PRR29: variants seen among roughly 807,000 people sequenced by gnomAD.
The protein encoded by PRR29 is proline rich 29.
Under a neutral mutation model 25.1 loss-of-function variants are expected in PRR29, and 20 were observed. The observed-to-expected ratio is 0.80, with a 90% confidence interval of 0.56 to 1.16. The LOEUF (loss-of-function observed/expected upper bound fraction) is 1.16, where lower values mean the gene tolerates loss of function less well. Ranked by LOEUF, PRR29 falls within the 50% of genes most tolerant of loss-of-function variation. The probability of loss-of-function intolerance (pLI) is 0.00; values close to 1 mark genes in which losing one functional copy is unlikely to be tolerated. For synonymous variants in PRR29, 108 were observed against 102.6 expected (o/e 1.05, Z -0.32); for missense variants, 238 against 246.6 (o/e 0.97, Z 0.23).
chr17:64,003,733 T>G lies in PRR29; in HGVS notation c.*1972T>G, dbSNP rs1598015247. 1 of 1,614,162 alleles carries G rather than the reference T, an allele frequency of 6.2e-7. No homozygotes were observed. The highest frequency in any genetic ancestry group is 2.2e-5 in the East Asian group (1 of 44,882). Reference sequence around the variant, plus strand: ...GTCCAGCACAGCCAGGCAGGAGAAGTTGCGGTGGCCATCCTCTCTGTCAGC... The same window carrying G: ...GTCCAGCACAGCCAGGCAGGAGAAGGTGCGGTGGCCATCCTCTCTGTCAGC... On this transcript the variant is annotated 3_prime_UTR_variant, in exon 6 of 6. Transcript: ENST00000412177.
At chr17:63,998,516 G>T in intron 1 of PRR29, 92 bp downstream of exon 1, 1 of 1,351,110 alleles carries the variant, frequency 7.4e-7, no homozygotes, top group Non-Finnish European at 9.8e-7. Context: ...CTGGAGGGGT[G>T]GGGGACGAGG....
In PRR29 at chr17:64,003,171, C is replaced by A; in HGVS notation, c.*1410C>A. On this transcript the variant is annotated 3_prime_UTR_variant, in exon 6 of 6. Coordinates refer to ENST00000412177, the MANE Select transcript of PRR29 (RefSeq NM_001164257.2). ...TCTGTGTGGCTGTGAGGGCAGATGT[C>A]CCCTTGTCAGCAGCCATGGGACCAG... 2 of 521,568 alleles carry A rather than the reference C, an allele frequency of 3.8e-6. No individual in the cohort carries two copies. The highest frequency in any genetic ancestry group is 4.9e-5 in the South Asian group (2 of 40,926). The allele number at this position is 521,568 out of a possible 1,614,324, so 32.3% of individuals were successfully genotyped here. A position where few individuals can be genotyped will look rare whatever the true frequency, so the allele number is the denominator to read the frequency against.
At chr17:64,000,855 ACG>A in intron 3 of PRR29, 2 of 474,890 alleles carry the variant, frequency 4.2e-6, no homozygotes, top group Non-Finnish European at 7.6e-6. Context: ...TTTAGTAGAG[ACG>A]GGGTTTCACC....
chr17:64,001,649 G>C, intron 5 of PRR29, 84 bp from the exon 6 acceptor site: 1 of 1,510,316 alleles, frequency 6.6e-7, no homozygotes, highest in Non-Finnish European at 8.8e-7. Context: ...CACTGCTGCA[G>C]GCAACTGGCC....
At chr17:63,999,324 C>A (rs1346763353) in intron 3 of PRR29, 13 of 561,498 alleles carry the variant, frequency 2.3e-5, no homozygotes, top group Non-Finnish European at 4.1e-5. Flanking sequence ...AGTGCCTCCC[C>A]CACTGGACTT....
In PRR29 at chr17:64,003,125, G is replaced by T. The variant is rs750459249; in HGVS notation, c.*1364G>T. ...TTATCTGGAAAAAAGGTGGCCCAGG[G>T]CTCAGGCTACCAGCTGGACTTCTGT... On this transcript the variant is annotated 3_prime_UTR_variant, in exon 6 of 6. Transcript: ENST00000412177. 1 of 568,678 alleles carries T rather than the reference G, an allele frequency of 1.8e-6. No individual in the cohort carries two copies. Among genetic ancestry groups the T allele is most frequent in the African/African-American group, 1.9e-5 (1 of 53,316 alleles). 35.2% of individuals were successfully genotyped at this position (568,678 alleles called of 1,614,324 possible).
Position 64,003,368 on chromosome 17 carries a change from T to C in PRR29, c.*1607T>C, listed in dbSNP as rs139973744. 286 of 488,812 alleles carry C rather than the reference T, an allele frequency of 5.9e-4. 2 individuals carry two copies. Among genetic ancestry groups the C allele is most frequent in the African/African-American group, 5.0e-3 (259 of 51,704 alleles). The allele number at this position is 488,812 out of a possible 1,614,324, so 30.3% of individuals were successfully genotyped here. A position where few individuals can be genotyped will look rare whatever the true frequency, so the allele number is the denominator to read the frequency against. ...GGGGGCAGTCAGGCCAAACTTCTCA[T>C]TGTGGAGGGGAGCCAAGGCCAGGGA... On this transcript the variant is annotated 3_prime_UTR_variant, in exon 6 of 6. Transcript: ENST00000412177.
In PRR29 at chr17:64,001,995, C is replaced by A; in HGVS notation, c.*234C>A. ...GTGTAAGAGCTCCCTAGAGCACCAC[C>A]CAGGCCCTTGAAGCCACGTCAGCCC... On this transcript the variant is annotated 3_prime_UTR_variant, in exon 6 of 6. Coordinates refer to ENST00000412177, the MANE Select transcript of PRR29 (RefSeq NM_001164257.2). 6.5e-7 allele frequency: 1 copy of A among 1,532,186 alleles called. No homozygotes were observed. Among genetic ancestry groups the A allele is most frequent in the Non-Finnish European group, 8.7e-7 (1 of 1,144,240 alleles). The allele number at this position is 1,532,186 out of a possible 1,614,324, so 94.9% of individuals were successfully genotyped here.
In PRR29 at chr17:64,002,063, G is replaced by A; in HGVS notation, c.*302G>A. 3 of 1,416,228 alleles carry A rather than the reference G, an allele frequency of 2.1e-6. No homozygotes were observed. The Admixed American group carries it at 6.2e-5, about 29-fold the overall frequency. The allele number at this position is 1,416,228 out of a possible 1,614,324, so 87.7% of individuals were successfully genotyped here. A position where few individuals can be genotyped will look rare whatever the true frequency, so the allele number is the denominator to read the frequency against. ...TCCTGCCTGGAGCAGGGGGAGGCCT[G>A]GGAACAGAGCCCCCACCCTCTCTCC... On this transcript the variant is annotated 3_prime_UTR_variant, in exon 6 of 6. Coordinates refer to ENST00000412177, the MANE Select transcript of PRR29 (RefSeq NM_001164257.2).
intron 2 of PRR29, 55 bp from the exon 3 acceptor site, chr17:63,998,913 C>A: frequency 6.7e-7 from 1 of 1,488,220 alleles, no homozygotes; most frequent in Non-Finnish European, 9.0e-7. Flanking sequence ...ACAGGGGTGT[C>A]AGGGGGAGGG....
intron 5 of PRR29, 89 bp from the exon 6 acceptor site, chr17:64,001,643 GC>G: frequency 6.6e-7 from 1 of 1,507,310 alleles, no homozygotes; most frequent in South Asian, 1.3e-5. Flanking sequence ...TAACATCACT[GC>G]TGCAGGCAAC....
intron 5 of PRR29, 89 bp downstream of exon 5, chr17:64,001,626 G>A: frequency 2.7e-6 from 4 of 1,498,810 alleles, no homozygotes; most frequent in South Asian, 1.3e-5. Flanking sequence ...GGGGTTTGGG[G>A]GTTTCCTAAC....
chr17:64,003,686 T>A lies in PRR29; in HGVS notation c.*1925T>A, dbSNP rs1313045099. On this transcript the variant is annotated 3_prime_UTR_variant, in exon 6 of 6. Coordinates refer to ENST00000412177, the MANE Select transcript of PRR29 (RefSeq NM_001164257.2). ...TTCGGGGCTGAGTGTTTGTGAAAGA[T>A]GTTGCCACCGCGAGACATCAAGTCC... The A allele has an allele frequency of 5.6e-6, 9 of 1,614,002 alleles. No homozygotes were observed. The highest frequency in any genetic ancestry group is 3.3e-5 in the Admixed American group (2 of 60,010).
At chr17:64,001,350 T>C (rs1243483466) in intron 4 of PRR29, 40 bp downstream of exon 4, 10 of 1,518,480 alleles carry the variant, frequency 6.6e-6, no homozygotes, top group Middle Eastern at 3.4e-4. Flanking sequence ...TGCTCTGGGC[T>C]GGAAGTTGCA....
chr17:63,998,584 C>A (rs1305104725), intron 1 of PRR29, 123 bp from the exon 2 acceptor site: 126 of 1,085,872 alleles, frequency 1.2e-4, no homozygotes, highest in Non-Finnish European at 1.5e-4. Flanking sequence ...GGCCGCGGGG[C>A]GGGGAGGAGA....
intron 2 of PRR29, 27 bp from the exon 3 acceptor site, chr17:63,998,941 G>A: frequency 4.6e-6 from 7 of 1,533,166 alleles, no homozygotes; most frequent in Middle Eastern, 1.7e-4. Flanking sequence ...GAGGCCCGGC[G>A]TGGGCTTGCT....
chr17:64,001,566 C>G (rs1272007273), intron 5 of PRR29, 29 bp downstream of exon 5: 2 of 1,502,352 alleles, frequency 1.3e-6, no homozygotes, highest in African/African-American at 1.4e-5. Context: ...GCAGCGGGGC[C>G]CAGGCCTGGG....
chr17:63,998,813 C>T, intron 2 of PRR29, 31 bp downstream of exon 2: 1 of 1,111,242 alleles, frequency 9.0e-7, no homozygotes, highest in Non-Finnish European at 1.3e-6. Flanking sequence ...CACCCCACCC[C>T]CACCATCACC....
In PRR29 at chr17:64,004,242, GTCTCC is replaced by G. The variant is rs554020587; in HGVS notation, c.*2488_*2492del. ...TGGAAAGATATAAAAGTTTGGGTCT[GTCTCC>G]TCTCCTTCAGAAATGAAATATAAAT... On this transcript the variant is annotated 3_prime_UTR_variant, in exon 6 of 6. Coordinates refer to ENST00000412177, the MANE Select transcript of PRR29 (RefSeq NM_001164257.2). 4.0e-3 allele frequency: 1,782 copies of G among 442,720 alleles called. 9 individuals are homozygous for G. Among genetic ancestry groups the G allele is most frequent in the Non-Finnish European group, 5.8e-3 (1,424 of 247,186 alleles). The allele number at this position is 442,720 out of a possible 1,614,324, so 27.4% of individuals were successfully genotyped here. A position where few individuals can be genotyped will look rare whatever the true frequency, so the allele number is the denominator to read the frequency against.
Sources: allele counts gnomAD v4.1 joint callset, GRCh38; gene constraint gnomAD v4.1.1; transcripts MANE v1.5; gene names NCBI Gene and HGNC (gene_info 2026-07-23, HGNC 2026-07-21).